The following SLC7A9 variants were observed in gnomAD, a reference collection of about 807,000 sequenced individuals.
SLC7A9 encodes B(0,+)-type amino acid transporter 1.
In SLC7A9, 38 loss-of-function variants were observed where a neutral mutation model predicts 54.1. That is an observed-to-expected ratio of 0.70 (90% CI 0.54 to 0.92). SLC7A9 has a LOEUF of 0.92. SLC7A9 is among the 40% of genes least tolerant of loss of function. The probability of loss-of-function intolerance (pLI) is 0.00; values close to 1 mark genes in which losing one functional copy is unlikely to be tolerated. For synonymous variants in SLC7A9, 264 were observed against 258.9 expected (o/e 1.02, Z -0.19); for missense variants, 537 against 636.1 (o/e 0.84, Z 1.68).
rs548904513 is a variant in SLC7A9 at position 32,855,724 on chromosome 19, A to C, written c.977+2716T>G. ...CTCAAAAAAAAAAATAGAAAAATGC[A>C]AGTTAGCTCACTGCAACCTTGGCAT... On this transcript the variant is annotated intron_variant, in intron 9 of 12. Transcript: ENST00000023064. Among the ~76,000 whole-genome samples, 73 of 151,764 alleles carry C rather than the reference A, an allele frequency of 4.8e-4. 2 individuals carry two copies. In the South Asian group the frequency reaches 0.015, roughly 31 times the overall value.
chr19:32,852,423 G>T (rs938548765), intron 9 of SLC7A9, among the ~76,000 whole-genome samples: 2 of 151,994 alleles, frequency 1.3e-5, no homozygotes, highest in Non-Finnish European at 2.9e-5. Context: ...ACAGGGAGGG[G>T]TCTGAGGCTG....
intron 9 of SLC7A9, among the ~76,000 whole-genome samples, chr19:32,854,296 G>C (rs1968555136): frequency 6.6e-6 from 1 of 151,972 alleles, no homozygotes; most frequent in Non-Finnish European, 1.5e-5. Context: ...TTACAGGTGT[G>C]AGCCACCGTA....
intron 4 of SLC7A9, among the ~76,000 whole-genome samples, chr19:32,863,257 A>G (rs567767807): frequency 6.6e-6 from 1 of 152,108 alleles, no homozygotes; most frequent in South Asian, 2.1e-4. Context: ...GATTACAGGC[A>G]TGCACTACCC....
chr19:32,867,014 T>C (rs962569577), intron 2 of SLC7A9, among the ~76,000 whole-genome samples: 1 of 151,522 alleles, frequency 6.6e-6, no homozygotes. Context: ...CTTTCTGCCT[T>C]CCCCCCAGCC....
intron 6 of SLC7A9, among the ~76,000 whole-genome samples, chr19:32,861,817 A>AAAAACAAAAC (rs538333279): frequency 6.6e-6 from 1 of 152,128 alleles, no homozygotes; most frequent in African/African-American, 2.4e-5. Flanking sequence ...CCTGTCTTAA[A>AAAAACAAAAC]AAAACAAAAC....
chr19:32,866,938 G>T (rs7257884), intron 2 of SLC7A9, among the ~76,000 whole-genome samples: 1 of 151,934 alleles, frequency 6.6e-6, no homozygotes, highest in Non-Finnish European at 1.5e-5. Flanking sequence ...CCCTCCCTGC[G>T]CCTCCATGCT....
intron 11 of SLC7A9, among the ~76,000 whole-genome samples, chr19:32,833,604 C>T (rs1459344033): frequency 6.6e-6 from 1 of 152,064 alleles, no homozygotes; most frequent in African/African-American, 2.4e-5. Flanking sequence ...TCAAGACCAG[C>T]CTGGCCAACA....
chr19:32,830,583 T>TA lies in SLC7A9; in HGVS notation c.*36dup. On this transcript the variant is annotated 3_prime_UTR_variant, in exon 13 of 13. Transcript: ENST00000023064. ...TAACCACAAATATTGCTTAAGAAAA[T>TA]AAATTCAGCTGACTTGGCTACAAGA... 6.6e-7 allele frequency: 1 copy of TA among 1,514,960 alleles called. No homozygotes were observed. The highest frequency in any genetic ancestry group is 9.2e-7 in the Non-Finnish European group (1 of 1,089,906). 93.8% of individuals were successfully genotyped at this position (1,514,960 alleles called of 1,614,324 possible).
intron 7 of SLC7A9, 43 bp downstream of exon 7, chr19:32,860,563 C>T (rs374602349): frequency 1.9e-6 from 3 of 1,613,832 alleles, no homozygotes; most frequent in East Asian, 2.2e-5. Flanking sequence ...GAAGAGAAAT[C>T]AGGCTGCCCG....
intron 9 of SLC7A9, among the ~76,000 whole-genome samples, chr19:32,857,378 AG>A (rs1968658824): frequency 6.6e-6 from 1 of 152,140 alleles, no homozygotes; most frequent in Admixed American, 6.6e-5. Flanking sequence ...CAGGAGGTAG[AG>A]GCTACAGTGA....
intron 11 of SLC7A9, among the ~76,000 whole-genome samples, chr19:32,840,853 C>T (rs949714331): frequency 5.9e-4 from 90 of 152,216 alleles, no homozygotes; most frequent in African/African-American, 2.0e-3. Context: ...GTGCTGGAGT[C>T]CAGTGGGGCA....
intron 11 of SLC7A9, among the ~76,000 whole-genome samples, chr19:32,836,309 AAAATGCTGGGATTACAGGCG>A (rs1967958876): frequency 6.6e-6 from 1 of 152,198 alleles, no homozygotes; most frequent in Admixed American, 6.5e-5. Context: ...TTGGCCTCCC[AAAATGCTGGGATTACAGGCG>A]TGAGCCACTG....
In SLC7A9 at chr19:32,869,669, C is replaced by G. The variant is rs2287877; in HGVS notation, c.-112+17G>C. 8.6e-3 allele frequency: 1,316 copies of G among 152,408 alleles called. 41 individuals are homozygous for G. In the East Asian group the frequency reaches 0.1, roughly 12 times the overall value. 9.4% of individuals were successfully genotyped at this position (152,408 alleles called of 1,614,324 possible). A position where few individuals can be genotyped will look rare whatever the true frequency, so the allele number is the denominator to read the frequency against. ...GGAGAGCCATGAGCCTTTCTATCAC[C>G]TACTGACCTTACTTACCTTCCTCCG... On this transcript the variant is annotated intron_variant, in intron 1 of 12. Coordinates refer to ENST00000023064, the MANE Select transcript of SLC7A9 (RefSeq NM_014270.5).
chr19:32,838,218 T>C, intron 11 of SLC7A9, among the ~76,000 whole-genome samples: 1 of 152,208 alleles, frequency 6.6e-6, no homozygotes, highest in Non-Finnish European at 1.5e-5. Flanking sequence ...TAGGGTCCTT[T>C]ACAGTATGGT....
At chr19:32,860,827 G>A (rs1447571582) in intron 6 of SLC7A9, among the ~76,000 whole-genome samples, 177 bp from the exon 7 acceptor site, 1 of 152,084 alleles carries the variant, frequency 6.6e-6, no homozygotes, top group Non-Finnish European at 1.5e-5. Context: ...TGGGGCCTGG[G>A]GCCCTACCCA....
Position 32,841,004 on chromosome 19 carries a change from T to C in SLC7A9, c.1224+1164A>G, listed in dbSNP as rs55803919. 6.8e-3 allele frequency among the ~76,000 whole-genome samples: 1,033 copies of C among 152,280 alleles called. 9 individuals are homozygous for C. Among genetic ancestry groups the C allele is most frequent in the African/African-American group, 0.024 (979 of 41,556 alleles). On this transcript the variant is annotated intron_variant, in intron 11 of 12. Transcript: ENST00000023064. The stretch of plus-strand genomic sequence containing the variant: ...TTTTGTGCAGATTACAAGTCTATGC[T>C]ACCGTCATAATTTTGCCTGCAATGA...
chr19:32,858,416 G>A lies in SLC7A9; in HGVS notation c.977+24C>T, dbSNP rs200300201. The A allele has an allele frequency of 3.7e-4, 558 of 1,525,484 alleles. 1 individual carries two copies. The African/African-American group carries it at 6.8e-3, about 19-fold the overall frequency. The allele number at this position is 1,525,484 out of a possible 1,614,324, so 94.5% of individuals were successfully genotyped here. On this transcript the variant is annotated intron_variant, in intron 9 of 12. Coordinates refer to ENST00000023064, the MANE Select transcript of SLC7A9 (RefSeq NM_014270.5). ...GCTTTCGCCGCCCCTGTCCACCCTG[G>A]GAGTGACGGTGGGGGTCCCCTACCT...
chr19:32,854,880 A>ATG (rs1436262332), intron 9 of SLC7A9, among the ~76,000 whole-genome samples: 7 of 152,038 alleles, frequency 4.6e-5, no homozygotes, highest in Non-Finnish European at 5.9e-5. Context: ...GAGCCACTGC[A>ATG]CCTGGCCTTG....
At chr19:32,869,138 A>T (rs1969065608) in intron 1 of SLC7A9, among the ~76,000 whole-genome samples, 1 of 151,820 alleles carries the variant, frequency 6.6e-6, no homozygotes, top group South Asian at 2.1e-4. Context: ...CAAGAGAAGC[A>T]CTTGAACCCT....
Sources: gnomAD v4.1 joint callset for allele counts (sites outside exome capture counted in the v4.1 genomes callset) on GRCh38, gnomAD v4.1.1 for gene constraint, MANE v1.5 for transcripts, NCBI Gene and HGNC (gene_info 2026-07-23, HGNC 2026-07-21) for gene names.